The following RBM44 variants were observed in gnomAD, a reference collection of about 807,000 sequenced individuals.
RBM44 encodes RNA-binding protein 44.
RBM44 carries 66 observed loss-of-function variants against 105.1 expected under a neutral mutation model. The ratio of observed to expected loss-of-function variants is 0.63; its 90% CI spans 0.52 to 0.77. The LOEUF (loss-of-function observed/expected upper bound fraction) is 0.77. Ranked by LOEUF, RBM44 falls within the 30% of genes least tolerant of loss-of-function variation. The probability of loss-of-function intolerance (pLI) is 0.00; values close to 1 mark genes in which losing one functional copy is unlikely to be tolerated. For missense variants in RBM44, 1,122 were observed against 1,207.8 expected (o/e 0.93, Z 1.05); for synonymous variants, 365 against 417.6 (o/e 0.87, Z 1.54).
intron 1 of RBM44, among the ~76,000 whole-genome samples, chr2:237,799,912 C>T (rs542100851): frequency 2.0e-4 from 31 of 152,038 alleles, no homozygotes; most frequent in Admixed American, 2.0e-3. Context: ...TGGTTTCTGG[C>T]GATACCATTC....
rs774764762 is a variant in RBM44 at position 237,817,271 on chromosome 2, G to A, written c.352G>A (p.Glu118Lys). ...TAAAACATATTCTATACCTTATTCA[G>A]AGTCAAAACTAAAGAAGGAAAGTCT... ...LNKTYSIPYS[E>K]SKLKKESLTP... Residue 118 changes from glutamate (E) to lysine (K), a missense_variant, in exon 3 of 16, where the codon GAG becomes AAG. Coordinates refer to ENST00000316997, the MANE Select transcript of RBM44 (RefSeq NM_001080504.3). The A allele has an allele frequency of 6.2e-7, 1 of 1,607,902 alleles. No individual in the cohort carries two copies. The highest frequency in any genetic ancestry group is 2.2e-5 in the East Asian group (1 of 44,708).
intron 1 of RBM44, among the ~76,000 whole-genome samples, chr2:237,810,155 T>C (rs959663679): frequency 6.6e-6 from 1 of 152,336 alleles, no homozygotes; most frequent in African/African-American, 2.4e-5. Flanking sequence ...TGAAATCTGG[T>C]ATGTGTTTTA....
chr2:237,830,880 CT>C (rs2061896312), intron 13 of RBM44, among the ~76,000 whole-genome samples: 1 of 151,648 alleles, frequency 6.6e-6, no homozygotes. Flanking sequence ...TATTTAGTCT[CT>C]TTGCCTTGCT....
chr2:237,833,094 A>T (rs1264622004), intron 13 of RBM44, among the ~76,000 whole-genome samples: 1 of 152,208 alleles, frequency 6.6e-6, no homozygotes, highest in Non-Finnish European at 1.5e-5. Flanking sequence ...CAAACTTTTT[A>T]TTTATTAAAC....
At position 237,803,649 on chromosome 2, in the gene RBM44, A is replaced by G. The variant is rs1452228988; in HGVS notation, c.-19+4788A>G. On this transcript the variant is annotated intron_variant, in intron 1 of 15. Transcript: ENST00000316997. This position sits in a 1 kb window ranked among gnomAD's most constrained non-coding sequence, Gnocchi z 4.2. ...TTAATTTTGCTGAATCCCAATCAAC[A>G]ACTTTTAAATCAACACCTTTTGTGT... is the stretch of plus-strand genomic sequence containing the variant. 6.6e-6 allele frequency among the ~76,000 whole-genome samples: 1 copy of G among 152,220 alleles called. No homozygotes were observed. The highest frequency in any genetic ancestry group is 1.5e-5 in the Non-Finnish European group (1 of 68,040).
rs768576907 is a variant in RBM44 at position 237,817,077 on chromosome 2, A to G, written c.158A>G (p.Asp53Gly). The G allele has an allele frequency of 4.4e-6, 7 of 1,602,804 alleles. No individual in the cohort carries two copies. The East Asian group carries it at 1.3e-4, about 31-fold the overall frequency. The change falls in exon 3 of 16, where the codon GAC becomes GGC. Residue 53 changes from aspartate (D) to glycine (G), a missense_variant. Coordinates refer to ENST00000316997, the MANE Select transcript of RBM44 (RefSeq NM_001080504.3). Reference protein sequence around the residue: ...DEVKLTFPDDDWNSSTLEQRA... With the variant: ...DEVKLTFPDDGWNSSTLEQRA... Reference sequence around the variant, plus strand: ...GTCAAATTGACTTTTCCTGATGATGACTGGAATTCTTCGACACTAGAGCAA... The same window carrying G: ...GTCAAATTGACTTTTCCTGATGATGGCTGGAATTCTTCGACACTAGAGCAA...
chr2:237,839,561 G>GC (rs1346490150), intron 15 of RBM44, among the ~76,000 whole-genome samples: 1 of 152,116 alleles, frequency 6.6e-6, no homozygotes, highest in African/African-American at 2.4e-5. Flanking sequence ...GAGCCACTGC[G>GC]CCCGGCCCCT....
chr2:237,821,516 G>A (rs2061789986), intron 7 of RBM44, 148 bp downstream of exon 7: 1 of 755,304 alleles, frequency 1.3e-6, no homozygotes, highest in Non-Finnish European at 2.2e-6. Flanking sequence ...ATTTAATATT[G>A]TACAAATGTA....
rs1559914495 is a variant in RBM44 at position 237,820,197 on chromosome 2, A to G, written c.1759A>G (p.Thr587Ala). The part of the protein sequence containing the change: ...PEREFQLFKD[T>A]EKDLPSMCCQ... ...AAGGGAATTTCAACTTTTTAAAGAT[A>G]CAGAGAAGGATTTGCCATCAATGTG... The change falls in exon 5 of 16, where the codon ACA becomes GCA. Residue 587 changes from threonine (T) to alanine (A), a missense_variant. Coordinates refer to ENST00000316997, the MANE Select transcript of RBM44 (RefSeq NM_001080504.3). The G allele has an allele frequency of 6.5e-7, 1 of 1,543,226 alleles. No individual in the cohort carries two copies. Among genetic ancestry groups the G allele is most frequent in the Non-Finnish European group, 8.7e-7 (1 of 1,145,004 alleles).
At chr2:237,799,126 C>T (rs562815933) in intron 1 of RBM44, 1 of 152,108 alleles carries the variant, frequency 6.6e-6, no homozygotes, top group Non-Finnish European at 1.5e-5. Flanking sequence ...CGTTCTCGAA[C>T]GAAGTCGCGG....
At chr2:237,799,025 G>A (rs977907630) in intron 1 of RBM44, among the ~76,000 whole-genome samples, 164 bp downstream of exon 1, 6 of 151,902 alleles carry the variant, frequency 3.9e-5, no homozygotes, top group African/African-American at 1.2e-4. Flanking sequence ...CGGTGTAGGC[G>A]AGGCCAGCGA....
chr2:237,807,531 G>A (rs552611375), intron 1 of RBM44, among the ~76,000 whole-genome samples: 2 of 152,320 alleles, frequency 1.3e-5, no homozygotes, highest in South Asian at 2.1e-4. Context: ...ACTTGCAAAA[G>A]AATAGGAACC....
At chr2:237,807,051 C>G (rs1447063237) in intron 1 of RBM44, among the ~76,000 whole-genome samples, 1 of 152,130 alleles carries the variant, frequency 6.6e-6, no homozygotes, top group Non-Finnish European at 1.5e-5. Context: ...AGAGATTTCA[C>G]TCTGTCATGT....
intron 1 of RBM44, among the ~76,000 whole-genome samples, chr2:237,806,456 T>G (rs914848468): frequency 1.3e-5 from 2 of 152,302 alleles, no homozygotes; most frequent in East Asian, 1.9e-4. Flanking sequence ...ATGAGAAAAC[T>G]GTTATATGAC....
chr2:237,829,702 G>A (rs1164954178), intron 13 of RBM44, among the ~76,000 whole-genome samples, 200 bp downstream of exon 13: 1 of 152,146 alleles, frequency 6.6e-6, no homozygotes, highest in Non-Finnish European at 1.5e-5. Context: ...GATCTTTGTA[G>A]ACCAAGCTAA....
intron 2 of RBM44, 52 bp downstream of exon 2, chr2:237,813,734 G>A: frequency 1.7e-6 from 2 of 1,204,330 alleles, no homozygotes; most frequent in Non-Finnish European, 2.5e-6. Context: ...GGTGTTAAAT[G>A]TATTGTGCCA....
Position 237,817,938 on chromosome 2 carries a change from A to G in RBM44, c.1019A>G (p.Asp340Gly). Residue 340 changes from aspartate (D) to glycine (G), a missense_variant, in exon 3 of 16, where the codon GAT becomes GGT. Asp to Gly is a moderately conservative substitution (Grantham distance 94). Around this residue, in one of 3 missense-constraint regions of RBM44, gnomAD observed 918 missense variants for 955.3 expected, o/e 0.96. Coordinates refer to ENST00000316997, the MANE Select transcript of RBM44 (RefSeq NM_001080504.3). ...AAATCTCAAATAAATGAAGGTAAAG[A>G]TTTTTGTGGAAATAAAATTGTTGAG... ...NMKSQINEGK[D>G]FCGNKIVENK... 1 of 1,600,458 alleles carries G rather than the reference A, an allele frequency of 6.2e-7. No individual in the cohort carries two copies. The highest frequency in any genetic ancestry group is 8.5e-7 in the Non-Finnish European group (1 of 1,175,988).
intron 1 of RBM44, among the ~76,000 whole-genome samples, chr2:237,811,919 A>G (rs1478508193): frequency 6.6e-6 from 1 of 152,144 alleles, no homozygotes; most frequent in Non-Finnish European, 1.5e-5. Flanking sequence ...CATTAGTGCA[A>G]TCTCAGCTCA....
rs980560376 is a variant in RBM44, at chr2:237,814,792, C to T, written c.73+1110C>T. On this transcript the variant is annotated intron_variant, in intron 2 of 15. Transcript: ENST00000316997. ...GATTATTTGGCAAATGGTATTACGA[C>T]AATTGACCATCCATTTTGGAAGAAA... Among the ~76,000 whole-genome samples, 14 of 152,044 alleles carry T rather than the reference C, an allele frequency of 9.2e-5. 1 individual carries two copies.
Sources: gnomAD v4.1 joint callset for allele counts (sites outside exome capture counted in the v4.1 genomes callset) on GRCh38, gnomAD v4.1.1 for gene constraint, gnomAD v4.1.1 regional missense constraint, Gnocchi (gnomAD v3.1) non-coding constraint, MANE v1.5 for transcripts, NCBI Gene and HGNC (gene_info 2026-07-23, HGNC 2026-07-21) for gene names.